CCNJ: variants seen among roughly 807,000 people sequenced by gnomAD.
CCNJ encodes cyclin-J.
CCNJ carries 12 observed loss-of-function variants against 41.4 expected under a neutral mutation model. That is an observed-to-expected ratio of 0.29 (90% CI 0.19 to 0.47). The LOEUF (loss-of-function observed/expected upper bound fraction) is 0.47. CCNJ is among the 20% of genes least tolerant of loss of function. The pLI is 1.00. For missense variants in CCNJ, 340 were observed against 464.6 expected, an observed-to-expected ratio of 0.73 and a Z score of 2.47; for synonymous variants, 161 against 173.4, an observed-to-expected ratio of 0.93 and a Z score of 0.56.
chr10:96,044,167 C>T lies in CCNJ; in HGVS notation c.-41-186C>T, dbSNP rs965129550. Among the ~76,000 whole-genome samples the T allele has an allele frequency of 3.9e-5, 6 of 152,254 alleles. No individual in the cohort carries two copies. In the South Asian group the frequency reaches 1.0e-3, roughly 26 times the overall value. On this transcript the variant is annotated intron_variant, in intron 1 of 5. Transcript: ENST00000465148. The stretch of plus-strand genomic sequence containing the variant: ...TGAGTCTCAGAGTCCTTCGGCTCTT[C>T]CTGCGGGGGCAGACCCGGCTTCGCG...
At chr10:96,049,713 A>C (rs1054290227) in intron 2 of CCNJ, among the ~76,000 whole-genome samples, 4 of 152,082 alleles carry the variant, frequency 2.6e-5, no homozygotes, top group African/African-American at 9.7e-5. Context: ...GATTGAAGTG[A>C]TTTTAGGTGT....
chr10:96,056,226 G>A lies in CCNJ; in HGVS notation c.281-475G>A, dbSNP rs572282433. ...CGGGAGGCTGAGGCAGGAGAATGGC[G>A]TGAACCCGGGAGGTGGAGCTTGCAG... On this transcript the variant is annotated intron_variant, in intron 3 of 5. Transcript: ENST00000465148. 2.1e-4 allele frequency among the ~76,000 whole-genome samples: 32 copies of A among 151,720 alleles called. 1 individual carries two copies. In the South Asian group the frequency reaches 3.6e-3, roughly 17 times the overall value.
intron 2 of CCNJ, among the ~76,000 whole-genome samples, chr10:96,044,903 G>T (rs544742675): frequency 6.6e-6 from 1 of 152,198 alleles, no homozygotes; most frequent in Non-Finnish European, 1.5e-5. Context: ...TCTGTTTCTT[G>T]ATTTCCTCAT....
At chr10:96,049,112 GTTTTT>G (rs1397096743) in intron 2 of CCNJ, among the ~76,000 whole-genome samples, 1 of 151,792 alleles carries the variant, frequency 6.6e-6, no homozygotes, top group Non-Finnish European at 1.5e-5. Flanking sequence ...GTTTTGTTTT[GTTTTT>G]TGATAATAGC....
At chr10:96,044,275 A>G in intron 1 of CCNJ, 78 bp from the exon 2 acceptor site, 1 of 697,924 alleles carries the variant, frequency 1.4e-6, no homozygotes, top group Non-Finnish European at 2.1e-6. Flanking sequence ...GGGTGGCCTG[A>G]GGTCACACCC....
chr10:96,043,601 C>G lies in CCNJ; in HGVS notation c.-160C>G. 1 of 395,284 alleles carries G rather than the reference C, an allele frequency of 2.5e-6. No individual in the cohort carries two copies. The highest frequency in any genetic ancestry group is 3.6e-5 in the East Asian group (1 of 27,862). The allele number at this position is 395,284 out of a possible 1,614,324, so 24.5% of individuals were successfully genotyped here. ...GTCCTTTAACAATGGGCGGCGCGAG[C>G]GTCCAGGCGCTGGGCTCTAGCTGAG... On this transcript the variant is annotated 5_prime_UTR_variant, in exon 1 of 6. Transcript: ENST00000465148.
At position 96,059,957 on chromosome 10, in the gene CCNJ, G is replaced by T. The variant is rs1185023657; in HGVS notation, c.*1716G>T. ...TTTAGAGTACATAGGGCATGATGTG[G>T]ATTTATTAGTCTGGTAGATAAAATG... On this transcript the variant is annotated 3_prime_UTR_variant, in exon 6 of 6. Coordinates refer to ENST00000465148, the MANE Select transcript of CCNJ (RefSeq NM_001134375.2). 6.6e-6 allele frequency: 1 copy of T among 152,534 alleles called. No individual in the cohort carries two copies. The highest frequency in any genetic ancestry group is 1.5e-5 in the Non-Finnish European group (1 of 67,996). 9.4% of individuals were successfully genotyped at this position (152,534 alleles called of 1,614,324 possible).
rs900815256 is a variant in CCNJ at position 96,059,066 on chromosome 10, T to G, written c.*825T>G. The G allele has an allele frequency of 6.6e-6, 1 of 152,656 alleles. No individual in the cohort carries two copies. Among genetic ancestry groups the G allele is most frequent in the African/African-American group, 2.4e-5 (1 of 41,466 alleles). The allele number at this position is 152,656 out of a possible 1,614,324, so 9.5% of individuals were successfully genotyped here. On this transcript the variant is annotated 3_prime_UTR_variant, in exon 6 of 6. Transcript: ENST00000465148. ...AGGTTAAAATACGCTTGCTAGGGTGTGTTTTCAAATGAGAACATAATATAG... is the reference window on the plus strand; with the variant it reads ...AGGTTAAAATACGCTTGCTAGGGTGGGTTTTCAAATGAGAACATAATATAG...
intron 2 of CCNJ, among the ~76,000 whole-genome samples, chr10:96,049,301 T>G (rs1445497712): frequency 1.3e-5 from 2 of 152,154 alleles, no homozygotes; most frequent in African/African-American, 4.8e-5. Context: ...TTAGGTTTTT[T>G]GGTTGTTATC....
intron 3 of CCNJ, 48 bp downstream of exon 3, chr10:96,050,514 T>C: frequency 1.5e-6 from 2 of 1,349,998 alleles, no homozygotes; most frequent in Non-Finnish European, 2.1e-6. Flanking sequence ...GATGTTTATA[T>C]AATAAAATAA....
intron 2 of CCNJ, among the ~76,000 whole-genome samples, chr10:96,047,606 C>A (rs926690011): frequency 1.3e-5 from 2 of 152,116 alleles, no homozygotes; most frequent in African/African-American, 4.8e-5. Flanking sequence ...CCACTGTACT[C>A]CAGCCTGGGC....
In CCNJ at chr10:96,044,467, C is replaced by T. The variant is rs1329446855; in HGVS notation, c.69+5C>T. The T allele has an allele frequency of 2.0e-6, 3 of 1,530,922 alleles. No individual in the cohort carries two copies. The South Asian group carries it at 3.7e-5, about 19-fold the overall frequency. The allele number at this position is 1,530,922 out of a possible 1,614,324, so 94.8% of individuals were successfully genotyped here. A position where few individuals can be genotyped will look rare whatever the true frequency, so the allele number is the denominator to read the frequency against. On this transcript the variant is annotated splice_donor_5th_base_variant and intron_variant, in intron 2 of 5. Coordinates refer to ENST00000465148, the MANE Select transcript of CCNJ (RefSeq NM_001134375.2). Reference sequence around the variant, plus strand: ...CACCAAGCGCTTCGCTACAAGGTAACTCCGAGGCCCGGCCTGCCTTCTCCT... The same window carrying T: ...CACCAAGCGCTTCGCTACAAGGTAATTCCGAGGCCCGGCCTGCCTTCTCCT...
rs1263886373 is a variant in CCNJ, at chr10:96,056,863, C to T, written c.443C>T (p.Ala148Val). ...FQWNLCLPTA[A>V]HFIEYYLSEA... Reference sequence around the variant, plus strand: ...TGGAACCTCTGCCTTCCAACAGCCGCCCATTTCATTGAGTATTATCTCTCT... The same window carrying T: ...TGGAACCTCTGCCTTCCAACAGCCGTCCATTTCATTGAGTATTATCTCTCT... Residue 148 changes from alanine (A) to valine (V), a missense_variant, in exon 4 of 6, where the codon GCC (alanine) becomes GTC (valine). By Grantham distance (64) the Ala-to-Val change is moderately conservative. Transcript: ENST00000465148. 3.7e-6 allele frequency: 6 copies of T among 1,614,154 alleles called. No individual in the cohort carries two copies. The highest frequency in any genetic ancestry group is 5.1e-6 in the Non-Finnish European group (6 of 1,180,012).
chr10:96,049,877 C>G (rs995116572), intron 2 of CCNJ, among the ~76,000 whole-genome samples: 4 of 152,198 alleles, frequency 2.6e-5, no homozygotes, highest in Admixed American at 6.5e-5. Context: ...ACCAAAAGTT[C>G]TGAGCATCTT....
intron 3 of CCNJ, among the ~76,000 whole-genome samples, chr10:96,052,316 G>A (rs2080551556): frequency 6.6e-6 from 1 of 152,174 alleles, no homozygotes; most frequent in African/African-American, 2.4e-5. Context: ...ATGGATTTTT[G>A]TTATTGTACA....
In CCNJ at chr10:96,056,936, C is replaced by G. The variant is rs1464651925; in HGVS notation, c.516C>G (p.Cys172Trp). ...TDLHDGWPMI[C>W]LEKTKLYMAK... Reference sequence around the variant, plus strand: ...TTCATGACGGCTGGCCAATGATTTGCTTGGAAAAGACTAAACTCTACATGG... The same window carrying G: ...TTCATGACGGCTGGCCAATGATTTGGTTGGAAAAGACTAAACTCTACATGG... Residue 172 changes from cysteine (C) to tryptophan (W), a missense_variant, in exon 4 of 6, where the codon TGC becomes TGG. By Grantham distance (215) the Cys-to-Trp change is radical. Transcript: ENST00000465148. 6.2e-7 allele frequency: 1 copy of G among 1,614,132 alleles called. No homozygotes were observed. Among genetic ancestry groups the G allele is most frequent in the Non-Finnish European group, 8.5e-7 (1 of 1,180,010 alleles).
chr10:96,056,167 G>T (rs576353073), intron 3 of CCNJ, among the ~76,000 whole-genome samples: 23 of 152,208 alleles, frequency 1.5e-4, no homozygotes, highest in Admixed American at 1.4e-3. Flanking sequence ...AAATTAGCCA[G>T]GCGTGGTGGC....
At chr10:96,043,763 G>T (rs1274198084) in intron 1 of CCNJ, 44 bp downstream of exon 1, 4 of 387,756 alleles carry the variant, frequency 1.0e-5, no homozygotes, top group Non-Finnish European at 1.8e-5. Context: ...CAGGCCTGGG[G>T]TAGGCGTGGG....
At chr10:96,052,228 C>G (rs1390594679) in intron 3 of CCNJ, among the ~76,000 whole-genome samples, 1 of 152,130 alleles carries the variant, frequency 6.6e-6, no homozygotes, top group African/African-American at 2.4e-5. Context: ...GGCTGTGAAG[C>G]CCTTTGGGGT....
Sources: allele counts gnomAD v4.1 joint callset (sites outside exome capture counted in the v4.1 genomes callset), GRCh38; gene constraint gnomAD v4.1.1; transcripts MANE v1.5; gene names NCBI Gene and HGNC (gene_info 2026-07-23, HGNC 2026-07-21).